The following C4orf50 variants were observed in gnomAD, a reference collection of about 807,000 sequenced individuals.
C4orf50 encodes the protein uncharacterized protein C4orf50.
C4orf50 carries 80 observed loss-of-function variants against 77.2 expected under a neutral mutation model. The ratio of observed to expected loss-of-function variants is 1.04; its 90% confidence interval spans 0.87 to 1.25. The LOEUF is 1.25. C4orf50 is among the 50% of genes most tolerant of loss of function. The probability of loss-of-function intolerance (pLI) is 0.00; values close to 1 mark genes in which losing one functional copy is unlikely to be tolerated. For missense variants in C4orf50, 1,257 were observed against 1,152.9 expected (o/e 1.09, Z -1.31); for synonymous variants, 532 against 465.3 (o/e 1.14, Z -1.84).
chr4:5,964,243 G>T (rs375667251), intron 33 of C4orf50, among the ~76,000 whole-genome samples: 3 of 152,170 alleles, frequency 2.0e-5, no homozygotes, highest in Admixed American at 6.5e-5. Context: ...TCTTGGGGCC[G>T]ACAGGGGAAA....
intron 25 of C4orf50, among the ~76,000 whole-genome samples, chr4:5,995,598 G>A (rs888875124): frequency 1.3e-5 from 2 of 152,078 alleles, no homozygotes; most frequent in African/African-American, 4.8e-5. Context: ...TTCCACTGCA[G>A]TGCTCCAGCC....
intron 7 of C4orf50, among the ~76,000 whole-genome samples, chr4:5,930,683 C>G (rs1011772249): frequency 1.3e-5 from 2 of 152,228 alleles, no homozygotes; most frequent in African/African-American, 4.8e-5. Context: ...TCATCACCCT[C>G]TGGCTCTCTC....
chr4:5,939,198 G>A (rs764180576), intron 7 of C4orf50, among the ~76,000 whole-genome samples: 5 of 152,034 alleles, frequency 3.3e-5, no homozygotes, highest in Admixed American at 6.5e-5. Context: ...AGCCGAGATC[G>A]CGCCATTGCA....
chr4:5,946,278 G>A (rs547036290), intron 7 of C4orf50, among the ~76,000 whole-genome samples: 2 of 152,300 alleles, frequency 1.3e-5, no homozygotes, highest in Admixed American at 6.5e-5. Context: ...GGGCTTGAGG[G>A]GGCCTGGAAA....
At chr4:5,979,375 A>G (rs559548974) in intron 29 of C4orf50, among the ~76,000 whole-genome samples, 13 of 152,346 alleles carry the variant, frequency 8.5e-5, no homozygotes, top group African/African-American at 2.9e-4. Context: ...GAATGAGTTC[A>G]CTTTGCATGT....
chr4:5,935,397 T>C (rs1446326260), intron 7 of C4orf50, among the ~76,000 whole-genome samples: 4 of 152,190 alleles, frequency 2.6e-5, no homozygotes, highest in Non-Finnish European at 5.9e-5. Context: ...TAAGAAGATG[T>C]AACCATAGCC....
chr4:5,918,585 G>T (rs74927436), intron 7 of C4orf50, among the ~76,000 whole-genome samples: 1,802 of 152,278 alleles, frequency 0.012, 37 homozygotes, highest in African/African-American at 0.04. Flanking sequence ...CCTGGTCTGG[G>T]CTCACCTTGC....
At position 5,919,571 on chromosome 4, in the gene C4orf50, T is replaced by G. The variant is rs1262152689; in HGVS notation, c.*2475-21383A>C. On this transcript the variant is annotated intron_variant, in intron 7 of 7. Coordinates refer to the C4orf50 transcript ENST00000324058. The surrounding 1 kb of genome is among the most constrained non-coding windows in gnomAD (Gnocchi z 6.5). ...TCAGCTGAAGCATGGGTGGAGAGGA[T>G]AGCTGCTGTCTCCAGAATCTCCCTT... Among the ~76,000 whole-genome samples the G allele has an allele frequency of 6.6e-6, 1 of 152,146 alleles. No individual in the cohort carries two copies. The highest frequency in any genetic ancestry group is 1.5e-5 in the Non-Finnish European group (1 of 68,004).
intron 31 of C4orf50, 102 bp downstream of exon 9, chr4:5,973,557 G>A: frequency 2.0e-6 from 2 of 981,540 alleles, no homozygotes; most frequent in Non-Finnish European, 1.6e-6. Context: ...GCGGTGGGAG[G>A]GAGGGAGGAA....
chr4:5,975,240 G>C (rs1488483531), intron 30 of C4orf50, among the ~76,000 whole-genome samples: 1 of 150,542 alleles, frequency 6.6e-6, no homozygotes, highest in East Asian at 2.0e-4. Flanking sequence ...AAAGGAAGGG[G>C]CTTGAGCACA....
At chr4:5,899,518 AG>A (rs1560530870) in intron 7 of C4orf50, 1 of 152,252 alleles carries the variant, frequency 6.6e-6, no homozygotes, top group Non-Finnish European at 1.5e-5. Flanking sequence ...AGGCCCTCTG[AG>A]GGTAGAGTTA....
At chr4:5,989,696 T>C (rs936040363) in exon 28 of C4orf50, 67 of 1,536,034 alleles carry the variant, frequency 4.4e-5, no homozygotes, top group Non-Finnish European at 5.7e-5. Flanking sequence ...CCATGATCAG[T>C]GGGTTCGGCC....
At chr4:5,953,332 T>A (rs563319945), downstream of C4orf50, among the ~76,000 whole-genome samples, 1 of 152,180 alleles carries the variant, frequency 6.6e-6, no homozygotes. Context: ...ATATTGCGGC[T>A]ACAGTTGACT....
intron 25 of C4orf50, among the ~76,000 whole-genome samples, chr4:5,996,357 CTG>C (rs1175604986): frequency 2.0e-5 from 3 of 152,156 alleles, no homozygotes; most frequent in Non-Finnish European, 4.4e-5. Context: ...AAAATGGAAA[CTG>C]GATCTGGTTG....
chr4:6,005,398 T>G (rs1481159756), intron 25 of C4orf50, among the ~76,000 whole-genome samples: 1 of 150,214 alleles, frequency 6.7e-6, no homozygotes, highest in Non-Finnish European at 1.5e-5. Flanking sequence ...AGAGGAAGCA[T>G]GAAACCTTGA....
chr4:5,981,945 T>A (rs1458526612), intron 28 of C4orf50, among the ~76,000 whole-genome samples: 1 of 151,890 alleles, frequency 6.6e-6, no homozygotes, highest in African/African-American at 2.4e-5. Context: ...CAAGCTACCC[T>A]GCTTGGGAAA....
At chr4:5,997,565 T>C (rs988183049) in intron 25 of C4orf50, among the ~76,000 whole-genome samples, 2 of 152,222 alleles carry the variant, frequency 1.3e-5, no homozygotes, top group African/African-American at 2.4e-5. Flanking sequence ...CCTCCCTGCC[T>C]GCTCTATCAG....
intron 7 of C4orf50, among the ~76,000 whole-genome samples, chr4:5,950,725 C>T (rs752276938): frequency 7.2e-5 from 11 of 152,010 alleles, no homozygotes; most frequent in East Asian, 5.8e-4. Flanking sequence ...TCTTCCCTCA[C>T]GACATCGATC....
At chr4:5,988,825 A>G (rs540186006) in exon 28 of C4orf50, 3 of 1,535,904 alleles carry the variant, frequency 2.0e-6, no homozygotes, top group East Asian at 4.9e-5. Flanking sequence ...TCCTAGCACG[A>G]TATCCTTTAT....
Sources: allele counts gnomAD v4.1 joint callset (sites outside exome capture counted in the v4.1 genomes callset), GRCh38; gene constraint gnomAD v4.1.1; non-coding constraint Gnocchi (gnomAD v3.1); transcripts MANE v1.5; gene names NCBI Gene and HGNC (gene_info 2026-07-23, HGNC 2026-07-21).